MYLK: variants seen among roughly 807,000 people sequenced by gnomAD.
The protein encoded by MYLK is myosin light chain kinase, also known as myosin light chain kinase, smooth muscle.
Under a neutral mutation model 203.4 loss-of-function variants are expected in MYLK, and 106 were observed. The ratio of observed to expected loss-of-function variants is 0.52; its 90% CI spans 0.45 to 0.61. MYLK has a LOEUF of 0.61. Among genes scored for constraint, MYLK ranks in the 20% least tolerant of loss-of-function variants. MYLK has a pLI of 0.00. For missense variants in MYLK, 2,072 were observed against 2,442.3 expected (o/e 0.85, Z 3.20); for synonymous variants, 867 against 959.5 (o/e 0.90, Z 1.78).
intron 27 of MYLK, among the ~76,000 whole-genome samples, chr3:123,643,271 G>A (rs1424137185): frequency 3.3e-5 from 5 of 152,088 alleles, no homozygotes; most frequent in Non-Finnish European, 7.4e-5. Context: ...ATTTGCCTCC[G>A]ACTATATTTG....
In MYLK at chr3:123,793,816, G is replaced by A. The variant is rs779148876; in HGVS notation, c.26C>T (p.Ser9Leu). The change falls in exon 4 of 34, where the codon TCG (serine) becomes TTG (leucine). Residue 9 changes from serine to leucine, a missense_variant. Around this residue, in one of 3 missense-constraint regions of MYLK, gnomAD observed 683 missense variants for 643.8 expected, o/e 1.06. Coordinates refer to ENST00000360304, the MANE Select transcript of MYLK (RefSeq NM_053025.4). ...GAGGGAGGTTTTGGAAATGTGTGAC[G>A]AGGCAACCAGCTTCACATCCCCCAT... The part of the protein sequence containing the change: MGDVKLVA[S>L]SHISKTSLSV... The A allele has an allele frequency of 2.7e-5, 44 of 1,614,084 alleles. No homozygotes were observed. The Middle Eastern group carries it at 6.6e-4, about 24-fold the overall frequency.
chr3:123,856,820 T>C (rs1436387720), intron 2 of MYLK, among the ~76,000 whole-genome samples: 2 of 152,158 alleles, frequency 1.3e-5, no homozygotes, highest in Non-Finnish European at 2.9e-5. Context: ...CTAAAGAGTT[T>C]CTGCACAGCA....
intron 25 of MYLK, 40 bp downstream of exon 25, chr3:123,649,122 C>T (rs373979625): frequency 9.9e-6 from 16 of 1,613,956 alleles, no homozygotes; most frequent in Non-Finnish European, 1.2e-5. Context: ...CAGCCCCCTC[C>T]ACCCCAAGAG....
chr3:123,811,045 G>C lies in MYLK; in HGVS notation c.-3-17201C>G, dbSNP rs75457660. Among the ~76,000 whole-genome samples the C allele has an allele frequency of 7.9e-3, 1,200 of 152,290 alleles. 17 individuals are homozygous for C. The highest frequency in any genetic ancestry group is 0.027 in the African/African-American group (1,129 of 41,558). On this transcript the variant is annotated intron_variant, in intron 3 of 33. Coordinates refer to ENST00000360304, the MANE Select transcript of MYLK (RefSeq NM_053025.4). ...ATCTCTTCTAGAATGGGGCTAACTG[G>C]AAAGAAATGGTGACCTCTGAGAACC...
chr3:123,695,657 T>G (rs780026148), intron 18 of MYLK, among the ~76,000 whole-genome samples: 1 of 152,240 alleles, frequency 6.6e-6, no homozygotes, highest in Non-Finnish European at 1.5e-5. Flanking sequence ...AATCCATTTT[T>G]CGTAGGATGA....
At chr3:123,861,869 C>T (rs1014739641) in intron 2 of MYLK, among the ~76,000 whole-genome samples, 1 of 152,202 alleles carries the variant, frequency 6.6e-6, no homozygotes, top group Non-Finnish European at 1.5e-5. Flanking sequence ...ACATAGTCAT[C>T]AAAACCAGGG....
intron 15 of MYLK, 124 bp from the exon 16 acceptor site, chr3:123,708,127 A>G (rs2061534534): frequency 4.4e-6 from 6 of 1,376,994 alleles, no homozygotes; most frequent in Non-Finnish European, 6.1e-6. Flanking sequence ...TTGTCCAGAA[A>G]TCACTGTGAT....
At chr3:123,730,087 A>C (rs1279597603) in intron 11 of MYLK, among the ~76,000 whole-genome samples, 2 of 151,934 alleles carry the variant, frequency 1.3e-5, no homozygotes, top group East Asian at 3.9e-4. Flanking sequence ...AAATTAGCCG[A>C]GTGTGGTGGC....
At chr3:123,651,845 G>T (rs2059222360) in intron 24 of MYLK, among the ~76,000 whole-genome samples, 1 of 152,214 alleles carries the variant, frequency 6.6e-6, no homozygotes, top group Admixed American at 6.5e-5. Flanking sequence ...TGGCAGATCT[G>T]ATTCTCATGC....
chr3:123,843,124 T>C (rs761419198), intron 2 of MYLK, among the ~76,000 whole-genome samples: 2 of 152,176 alleles, frequency 1.3e-5, no homozygotes, highest in Non-Finnish European at 2.9e-5. Context: ...AACTCCCGTA[T>C]CAGTAATTCA....
intron 6 of MYLK, 70 bp from the exon 7 acceptor site, chr3:123,739,132 C>T: frequency 1.3e-6 from 2 of 1,537,884 alleles, no homozygotes; most frequent in Non-Finnish European, 1.8e-6. Flanking sequence ...CTCCACCTCA[C>T]TCAAAGGCAC....
intron 28 of MYLK, among the ~76,000 whole-genome samples, chr3:123,639,994 T>G (rs2058775018): frequency 6.6e-6 from 1 of 152,120 alleles, no homozygotes. Flanking sequence ...AGCTAACACC[T>G]AAGCAGTCTT....
intron 4 of MYLK, among the ~76,000 whole-genome samples, chr3:123,761,962 G>A (rs137910946): frequency 1.3e-5 from 2 of 152,214 alleles, no homozygotes; most frequent in East Asian, 1.9e-4. Flanking sequence ...AGGAGATGGA[G>A]GTTGCAGTGA....
chr3:123,638,961 G>C, intron 28 of MYLK: 1 of 985,462 alleles, frequency 1.0e-6, no homozygotes, highest in Non-Finnish European at 1.2e-6. Flanking sequence ...GCATTTAACA[G>C]CCCTCAGATG....
chr3:123,773,693 G>A (rs1290607500), intron 4 of MYLK, among the ~76,000 whole-genome samples: 2 of 152,218 alleles, frequency 1.3e-5, no homozygotes, highest in South Asian at 4.1e-4. Context: ...GCTTCTGAAT[G>A]GACATATGGG....
chr3:123,618,738 C>T lies in MYLK; in HGVS notation c.5401G>A (p.Ala1801Thr). 12 of 1,614,146 alleles carry T rather than the reference C, an allele frequency of 7.4e-6. No homozygotes were observed. The highest frequency in any genetic ancestry group is 9.3e-6 in the Non-Finnish European group (11 of 1,179,996). The change falls in exon 33 of 34, where the codon GCT (alanine) becomes ACT (threonine). Residue 1801 changes from alanine (A) to threonine (T), a missense_variant. By Grantham distance (58) the Ala-to-Thr change is moderately conservative. Around this residue, in one of 3 missense-constraint regions of MYLK, gnomAD observed 524 missense variants for 782.4 expected, o/e 0.67. Transcript: ENST00000360304. The stretch of plus-strand genomic sequence containing the variant: ...GGTTTTACATGAGGCTTTTCCTCAG[C>T]AACAGCCTCAAGGAAAGCTTGGGAC... The part of the protein sequence containing the change: ...DVSQAFLEAV[A>T]EEKPHVKPYF...
intron 4 of MYLK, 130 bp downstream of exon 4, chr3:123,793,547 T>C: frequency 9.5e-7 from 1 of 1,047,898 alleles, no homozygotes; most frequent in Non-Finnish European, 1.4e-6. Context: ...CACAGGTTCG[T>C]TTTACATGAA....
At chr3:123,633,778 C>A (rs1246062625) in intron 29 of MYLK, among the ~76,000 whole-genome samples, 1 of 152,160 alleles carries the variant, frequency 6.6e-6, no homozygotes, top group Non-Finnish European at 1.5e-5. Flanking sequence ...GCTGTGGGGG[C>A]AGAAGGTTAG....
intron 4 of MYLK, among the ~76,000 whole-genome samples, chr3:123,777,365 C>T (rs897923363): frequency 6.6e-6 from 1 of 152,250 alleles, no homozygotes; most frequent in Non-Finnish European, 1.5e-5. Flanking sequence ...CCCCACAACA[C>T]AGAGTTTCTT....
Sources: allele counts gnomAD v4.1 joint callset (sites outside exome capture counted in the v4.1 genomes callset), GRCh38; gene constraint gnomAD v4.1.1; regional missense constraint gnomAD v4.1.1; transcripts MANE v1.5; gene names NCBI Gene and HGNC (gene_info 2026-07-23, HGNC 2026-07-21).